Variants in PSMD13 observed in about 807,000 individuals in gnomAD.
PSMD13 encodes proteasome 26S subunit, non-ATPase 13.
A neutral mutation model predicts 57.4 loss-of-function variants in PSMD13; 8 were observed. The ratio of observed to expected loss-of-function variants is 0.14; its 90% CI spans 0.08 to 0.25. PSMD13 has a LOEUF of 0.25. PSMD13 is among the 10% of genes least tolerant of loss of function. The probability of loss-of-function intolerance (pLI) is 1.00; values close to 1 mark genes in which losing one functional copy is unlikely to be tolerated. For missense variants in PSMD13, 400 were observed against 461.5 expected (o/e 0.87, Z 1.22); for synonymous variants, 193 against 168.2 (o/e 1.15, Z -1.14).
chr11:244,635 C>T (rs780605777), intron 5 of PSMD13, 40 bp from the exon 6 acceptor site: 30 of 1,578,814 alleles, frequency 1.9e-5, no homozygotes, highest in African/African-American at 2.7e-5. Flanking sequence ...GTCAACTGCC[C>T]ACATTCTGAG....
Position 242,044 on chromosome 11 carries a change from A to G in PSMD13, c.175-1997A>G, listed in dbSNP as rs1859526710. Among the ~76,000 whole-genome samples, 3 of 151,812 alleles carry G rather than the reference A, an allele frequency of 2.0e-5. No homozygotes were observed. In the South Asian group the frequency reaches 6.3e-4, roughly 32 times the overall value. ...TCCCACACCAAATGGCCACCTCTCT[A>G]ACCGCCCTTCATTCCTTGAAACTCA... On this transcript the variant is annotated intron_variant, in intron 2 of 12. Transcript: ENST00000532097.
At position 251,822 on chromosome 11, in the gene PSMD13, G is replaced by A. The variant is rs372551194; in HGVS notation, c.921G>A (p.Val307=). The A allele has an allele frequency of 6.2e-7, 1 of 1,613,960 alleles. No individual in the cohort carries two copies. Among genetic ancestry groups the A allele is most frequent in the South Asian group, 1.1e-5 (1 of 91,054 alleles). ...CACACGCCTCCCTCTCTGCACAGGT[G>A]GAGCTTCTGGTGATGAAGGCCCTTT... ...AKSAKITVNE[V]ELLVMKALSV... The change falls in exon 12 of 13, where the codon GTG becomes GTA. Residue 307 remains valine (V), a splice_region_variant and synonymous_variant. Transcript: ENST00000532097. This position sits in a 1 kb window ranked among gnomAD's most constrained non-coding sequence, Gnocchi z 4.6.
In PSMD13 at chr11:244,448, T is replaced by A; in HGVS notation, c.288T>A (p.Phe96Leu). ...QMTDPNVALTFLEKTREKVKS... is the reference protein window; with the variant it reads ...QMTDPNVALTLLEKTREKVKS... Reference sequence around the variant, plus strand: ...CAGATCCTAATGTGGCTCTTACTTTTCTGGAAAAGACTCGTGAGAAGGTAA... The same window carrying A: ...CAGATCCTAATGTGGCTCTTACTTTACTGGAAAAGACTCGTGAGAAGGTAA... The change falls in exon 5 of 13, where the codon TTT becomes TTA. Residue 96 changes from phenylalanine (F) to leucine (L), a missense_variant. Physicochemically the swap from Phe to Leu is conservative, Grantham distance 22 (BLOSUM62 0). Coordinates refer to ENST00000532097, the MANE Select transcript of PSMD13 (RefSeq NM_002817.4). 1 of 1,610,578 alleles carries A rather than the reference T, an allele frequency of 6.2e-7. No homozygotes were observed. Among genetic ancestry groups the A allele is most frequent in the Non-Finnish European group, 8.5e-7 (1 of 1,177,212 alleles).
In PSMD13 at chr11:251,810, C is replaced by G; in HGVS notation, c.919-10C>G. The G allele has an allele frequency of 6.2e-7, 1 of 1,613,078 alleles. No individual in the cohort carries two copies. The highest frequency in any genetic ancestry group is 8.5e-7 in the Non-Finnish European group (1 of 1,179,196). On this transcript the variant is annotated splice_polypyrimidine_tract_variant and intron_variant, in intron 11 of 12. Coordinates refer to ENST00000532097, the MANE Select transcript of PSMD13 (RefSeq NM_002817.4). The surrounding 1 kb of genome is among the most constrained non-coding windows in gnomAD (Gnocchi z 4.6). ...TATCTTGTCTTACACACGCCTCCCT[C>G]TCTGCACAGGTGGAGCTTCTGGTGA...
In PSMD13 at chr11:248,858, A is replaced by C. The variant is rs1859708901; in HGVS notation, c.648+3A>C. 6.2e-7 allele frequency: 1 copy of C among 1,613,998 alleles called. No individual in the cohort carries two copies. The highest frequency in any genetic ancestry group is 1.3e-5 in the African/African-American group (1 of 74,896). On this transcript the variant is annotated splice_donor_region_variant and intron_variant, in intron 8 of 12. Transcript: ENST00000532097. Reference sequence around the variant, plus strand: ...GAGTTTTTAACTTTGGAGAACTCGTAAGTTGACCCTGAGCTCAGCTTCCTT... The same window carrying C: ...GAGTTTTTAACTTTGGAGAACTCGTCAGTTGACCCTGAGCTCAGCTTCCTT...
intron 2 of PSMD13, 70 bp downstream of exon 2, chr11:239,146 T>C (rs1337417779): frequency 7.6e-7 from 1 of 1,317,908 alleles, no homozygotes; most frequent in Non-Finnish European, 1.1e-6. Context: ...AAGATAGGCT[T>C]TATGCTAATA....
chr11:249,014 A>G lies in PSMD13; in HGVS notation c.731A>G (p.Asn244Ser). Residue 244 changes from asparagine (N) to serine (S), a missense_variant, in exon 9 of 13, where the codon AAC (asparagine) becomes AGC (serine). Physicochemically the swap from Asn to Ser is conservative, Grantham distance 46. Transcript: ENST00000532097. ...ACCCTCTATGCCTTCAACAGTGGCA[A>G]CGTAGAGCGGTTCCAGACTCTGAAG... ...IDTLYAFNSGNVERFQTLKTA... is the reference protein window; with the variant it reads ...IDTLYAFNSGSVERFQTLKTA... 2.5e-6 allele frequency: 4 copies of G among 1,613,964 alleles called. No homozygotes were observed. In the East Asian group the frequency reaches 8.9e-5, roughly 36 times the overall value.
At chr11:250,906 AT>A (rs1859754526) in intron 10 of PSMD13, 41 bp downstream of exon 10, 1 of 1,596,562 alleles carries the variant, frequency 6.3e-7, no homozygotes, top group African/African-American at 1.3e-5. Context: ...GTGGTTTCAG[AT>A]TTTGGTCAGG....
intron 1 of PSMD13, among the ~76,000 whole-genome samples, chr11:238,643 C>T (rs1478817684): frequency 6.6e-6 from 1 of 152,116 alleles, no homozygotes; most frequent in Admixed American, 6.5e-5. Flanking sequence ...TGCACTACAG[C>T]CTGGGCAACA....
At position 251,428 on chromosome 11, in the gene PSMD13, G is replaced by C. The variant is rs1859762284; in HGVS notation, c.838-118G>C. On this transcript the variant is annotated intron_variant, in intron 10 of 12. Coordinates refer to ENST00000532097, the MANE Select transcript of PSMD13 (RefSeq NM_002817.4). The surrounding 1 kb of genome is among the most constrained non-coding windows in gnomAD (Gnocchi z 4.6). ...ATGTCTAATATTAGGAAACTTTTTA[G>C]TATGTGGGGTACTAATAAGATCTCT... 1.2e-6 allele frequency: 1 copy of C among 855,836 alleles called. No individual in the cohort carries two copies. Among genetic ancestry groups the C allele is most frequent in the Non-Finnish European group, 1.8e-6 (1 of 555,546 alleles). 53.0% of individuals were successfully genotyped at this position (855,836 alleles called of 1,614,324 possible). A position where few individuals can be genotyped will look rare whatever the true frequency, so the allele number is the denominator to read the frequency against.
intron 2 of PSMD13, among the ~76,000 whole-genome samples, chr11:239,473 G>T (rs535358064): frequency 6.6e-6 from 1 of 152,274 alleles, no homozygotes; most frequent in African/African-American, 2.4e-5. Context: ...CAGTTAGAGG[G>T]TGGAGTAAGG....
At chr11:238,526 C>T (rs927299986) in intron 1 of PSMD13, among the ~76,000 whole-genome samples, 1 of 152,108 alleles carries the variant, frequency 6.6e-6, no homozygotes, top group African/African-American at 2.4e-5. Flanking sequence ...ATTGGGGCGG[C>T]CGGGCGCAGT....
Position 247,467 on chromosome 11 carries a change from TC to T in PSMD13, c.568+21del, listed in dbSNP as rs1474376620. On this transcript the variant is annotated intron_variant, in intron 7 of 12. Coordinates refer to ENST00000532097, the MANE Select transcript of PSMD13 (RefSeq NM_002817.4). ...CTACCAGGTAACCTAGGCCATTAAA[TC>T]CATGTCACACAGGAGCATATTCTCC... The T allele has an allele frequency of 4.4e-6, 7 of 1,608,846 alleles. No individual in the cohort carries two copies. The African/African-American group carries it at 9.4e-5, about 22-fold the overall frequency.
chr11:248,605 G>C, intron 7 of PSMD13, 171 bp from the exon 8 acceptor site: 1 of 643,166 alleles, frequency 1.6e-6, no homozygotes, highest in Non-Finnish European at 2.7e-6. Flanking sequence ...TATGGTTCTT[G>C]GTATAATCTA....
At chr11:237,495 C>A (rs567510415) in intron 1 of PSMD13, among the ~76,000 whole-genome samples, 1 of 152,194 alleles carries the variant, frequency 6.6e-6, no homozygotes, top group African/African-American at 2.4e-5. Flanking sequence ...CTCTTGATTC[C>A]ATCTAACAAG....
At chr11:238,632 C>G (rs568579498) in intron 1 of PSMD13, among the ~76,000 whole-genome samples, 10 of 152,256 alleles carry the variant, frequency 6.6e-5, no homozygotes, top group African/African-American at 2.4e-4. Context: ...GATGGCGCCA[C>G]TGCACTACAG....
rs568247444 is a variant in PSMD13 at position 243,976 on chromosome 11, T to C, written c.175-65T>C. On this transcript the variant is annotated intron_variant, in intron 2 of 12. Transcript: ENST00000532097. ...GCAGCTTCTTTACCAAAGATAGTGT[T>C]TGGGGTCTTCGTTTTGCAGAATAAA... 228 of 1,496,062 alleles carry C rather than the reference T, an allele frequency of 1.5e-4. 1 individual carries two copies. Among genetic ancestry groups the C allele is most frequent in the Non-Finnish European group, 1.9e-4 (210 of 1,083,902 alleles). The allele number at this position is 1,496,062 out of a possible 1,614,324, so 92.7% of individuals were successfully genotyped here.
intron 9 of PSMD13, among the ~76,000 whole-genome samples, chr11:249,929 G>A (rs1859738356): frequency 6.6e-6 from 1 of 152,044 alleles, no homozygotes; most frequent in Admixed American, 6.5e-5. Flanking sequence ...ACTGTGAAGA[G>A]GCAGAAAGCA....
intron 6 of PSMD13, 77 bp from the exon 7 acceptor site, chr11:247,200 G>T (rs3830001): frequency 0.59 from 852,195 of 1,436,072 alleles, 254,735 homozygotes; most frequent in African/African-American, 0.7. Flanking sequence ...CTAGGCAACA[G>T]AGTGAGACCC....
Sources: gnomAD v4.1 joint callset for allele counts (sites outside exome capture counted in the v4.1 genomes callset) on GRCh38, gnomAD v4.1.1 for gene constraint, Gnocchi (gnomAD v3.1) non-coding constraint, MANE v1.5 for transcripts, NCBI Gene and HGNC (gene_info 2026-07-23, HGNC 2026-07-21) for gene names.